ENTPD7: variants seen among roughly 807,000 people sequenced by gnomAD.
The protein encoded by ENTPD7 is NTPDase 7.
Under a neutral mutation model 77.9 loss-of-function variants are expected in ENTPD7, and 53 were observed. That is an observed-to-expected ratio of 0.68 (90% CI 0.55 to 0.85). The LOEUF (loss-of-function observed/expected upper bound fraction) is 0.85, where lower values mean the gene tolerates loss of function less well. Among genes scored for constraint, ENTPD7 ranks in the 40% least tolerant of loss-of-function variants. The probability of loss-of-function intolerance (pLI) is 0.00; values close to 1 mark genes in which losing one functional copy is unlikely to be tolerated. For synonymous variants in ENTPD7, 248 were observed against 274.9 expected (o/e 0.90, Z 0.97); for missense variants, 636 against 743.7 (o/e 0.86, Z 1.68).
At position 99,702,675 on chromosome 10, in the gene ENTPD7, TA is replaced by T; in HGVS notation, c.1583+5del. On this transcript the variant is annotated splice_donor_region_variant and intron_variant, in intron 12 of 12. Transcript: ENST00000370489. ...TAAAACACGATTCTTACCACTCAGG[TA>T]AAGTAAGACTGACCAATCTGGTATC... 6.2e-7 allele frequency: 1 copy of T among 1,609,050 alleles called. No individual in the cohort carries two copies. The highest frequency in any genetic ancestry group is 1.1e-5 in the South Asian group (1 of 90,036).
intron 8 of ENTPD7, among the ~76,000 whole-genome samples, chr10:99,692,311 C>T (rs796307446): frequency 5.3e-5 from 8 of 152,332 alleles, no homozygotes; most frequent in African/African-American, 1.9e-4. Context: ...ATGTCAGTAA[C>T]AACCCTCCCC....
Position 99,710,653 on chromosome 10 carries a change from C to T in ENTPD7, c.*5970C>T. The T allele has an allele frequency of 2.0e-6, 2 of 985,364 alleles. No individual in the cohort carries two copies. Among genetic ancestry groups the T allele is most frequent in the South Asian group, 4.7e-5 (1 of 21,284 alleles). The allele number at this position is 985,364 out of a possible 1,614,324, so 61.0% of individuals were successfully genotyped here. A position where few individuals can be genotyped will look rare whatever the true frequency, so the allele number is the denominator to read the frequency against. ...TGATGCATTCTCCCTTATGCAGGGA[C>T]ATGGGTATATGTGTTACATATGCTG... On this transcript the variant is annotated 3_prime_UTR_variant, in exon 13 of 13. Transcript: ENST00000370489.
At chr10:99,666,787 A>G in intron 3 of ENTPD7, among the ~76,000 whole-genome samples, 1 of 152,252 alleles carries the variant, frequency 6.6e-6, no homozygotes, top group Non-Finnish European at 1.5e-5. Flanking sequence ...ATAATAAAGT[A>G]TTGAATATCT....
At position 99,708,437 on chromosome 10, in the gene ENTPD7, C is replaced by T. The variant is rs2036293813; in HGVS notation, c.*3754C>T. ...AACAGTAGGCTTAACGAATAGCAGA[C>T]CTGGATTCTAGTTCTGGCTTTGTCA... is the stretch of plus-strand genomic sequence containing the variant. On this transcript the variant is annotated 3_prime_UTR_variant, in exon 13 of 13. Coordinates refer to ENST00000370489, the MANE Select transcript of ENTPD7 (RefSeq NM_020354.5). 6.6e-6 allele frequency among the ~76,000 whole-genome samples: 1 copy of T among 152,116 alleles called. No homozygotes were observed. The highest frequency in any genetic ancestry group is 2.1e-4 in the South Asian group (1 of 4,828).
chr10:99,665,789 C>T (rs2035541910), intron 3 of ENTPD7, among the ~76,000 whole-genome samples: 1 of 152,064 alleles, frequency 6.6e-6, no homozygotes, highest in Non-Finnish European at 1.5e-5. Context: ...GATCCTCCTG[C>T]TTTGGCCTCC....
intron 3 of ENTPD7, among the ~76,000 whole-genome samples, chr10:99,678,052 T>C (rs1350152057): frequency 1.3e-5 from 2 of 151,930 alleles, no homozygotes; most frequent in East Asian, 3.9e-4. Context: ...GGGCCAAGAA[T>C]TATTATTATT....
Position 99,710,546 on chromosome 10 carries a change from T to C in ENTPD7, c.*5863T>C. ...TGCTTCACATTAAACAATAATTTTG[T>C]TGAATTTTGAATTCTTAAAATTCTC... is the stretch of plus-strand genomic sequence containing the variant. On this transcript the variant is annotated 3_prime_UTR_variant, in exon 13 of 13. Coordinates refer to ENST00000370489, the MANE Select transcript of ENTPD7 (RefSeq NM_020354.5). The C allele has an allele frequency of 2.0e-6, 2 of 985,448 alleles. No homozygotes were observed. The highest frequency in any genetic ancestry group is 2.4e-6 in the Non-Finnish European group (2 of 829,914). The allele number at this position is 985,448 out of a possible 1,614,324, so 61.0% of individuals were successfully genotyped here.
At chr10:99,662,548 G>A (rs2133435343) in intron 3 of ENTPD7, among the ~76,000 whole-genome samples, 1 of 152,178 alleles carries the variant, frequency 6.6e-6, no homozygotes, top group African/African-American at 2.4e-5. Flanking sequence ...TTTTGTGTTA[G>A]TCAATTGTCT....
In ENTPD7 at chr10:99,679,402, C is replaced by G; in HGVS notation, c.333C>G (p.Asp111Glu). ...FWPRHNGNPHDLLDIKQMRDR... is the reference protein window; with the variant it reads ...FWPRHNGNPHELLDIKQMRDR... The stretch of plus-strand genomic sequence containing the variant: ...CAAGACATAATGGGAACCCCCATGA[C>G]TTGCTGGACATCAAACAGATGAGAG... Residue 111 changes from aspartate to glutamate, a missense_variant, in exon 4 of 13, where the codon GAC becomes GAG. Transcript: ENST00000370489. 1.2e-6 allele frequency: 2 copies of G among 1,614,138 alleles called. No homozygotes were observed. Among genetic ancestry groups the G allele is most frequent in the Non-Finnish European group, 1.7e-6 (2 of 1,180,030 alleles).
intron 6 of ENTPD7, among the ~76,000 whole-genome samples, chr10:99,686,874 A>C (rs1194941712): frequency 6.7e-6 from 1 of 148,768 alleles, no homozygotes; most frequent in Non-Finnish European, 1.5e-5. Context: ...TTTAGGAGGC[A>C]GTTGATCTCA....
intron 7 of ENTPD7, among the ~76,000 whole-genome samples, chr10:99,691,032 G>A (rs139033055): frequency 6.6e-6 from 1 of 152,076 alleles, no homozygotes; most frequent in African/African-American, 2.4e-5. Flanking sequence ...TGTCACTGAG[G>A]CTAGAGTTTA....
intron 3 of ENTPD7, among the ~76,000 whole-genome samples, chr10:99,662,597 T>G (rs1314173813): frequency 6.6e-6 from 1 of 152,270 alleles, no homozygotes; most frequent in Non-Finnish European, 1.5e-5. Flanking sequence ...AAGGCTTATG[T>G]ATTTAACCAT....
At chr10:99,663,961 T>C (rs2035518092) in intron 3 of ENTPD7, among the ~76,000 whole-genome samples, 1 of 152,190 alleles carries the variant, frequency 6.6e-6, no homozygotes, top group Non-Finnish European at 1.5e-5. Flanking sequence ...TCATTTTTTT[T>C]CCAGTCTTTT....
intron 5 of ENTPD7, among the ~76,000 whole-genome samples, chr10:99,682,000 T>G (rs376711297): frequency 9.9e-4 from 151 of 152,316 alleles, no homozygotes; most frequent in African/African-American, 3.1e-3. Flanking sequence ...ACTCTGTTAA[T>G]TTTTTCCTTT....
At chr10:99,664,660 A>C (rs2035526936) in intron 3 of ENTPD7, among the ~76,000 whole-genome samples, 1 of 150,592 alleles carries the variant, frequency 6.6e-6, no homozygotes, top group Admixed American at 6.6e-5. Flanking sequence ...TGTGTTAGCC[A>C]GGATGGTCTC....
At position 99,659,633 on chromosome 10, in the gene ENTPD7, A is replaced by C; in HGVS notation, c.-96+45A>C. The C allele has an allele frequency of 4.1e-6, 1 of 243,568 alleles. No individual in the cohort carries two copies. The highest frequency in any genetic ancestry group is 8.6e-5 in the South Asian group (1 of 11,690). The allele number at this position is 243,568 out of a possible 1,614,324, so 15.1% of individuals were successfully genotyped here. A position where few individuals can be genotyped will look rare whatever the true frequency, so the allele number is the denominator to read the frequency against. Reference sequence around the variant, plus strand: ...GGCTGTGGGACCCGGAGGGACGGGGAGAGGAAGCGGGACCCACACCCCGCC... The same window carrying C: ...GGCTGTGGGACCCGGAGGGACGGGGCGAGGAAGCGGGACCCACACCCCGCC... On this transcript the variant is annotated intron_variant, in intron 1 of 12. Coordinates refer to ENST00000370489, the MANE Select transcript of ENTPD7 (RefSeq NM_020354.5). The surrounding 1 kb of genome is among the most constrained non-coding windows in gnomAD (Gnocchi z 4.1).
intron 3 of ENTPD7, among the ~76,000 whole-genome samples, chr10:99,676,941 C>G (rs1590042186): frequency 6.6e-6 from 1 of 152,108 alleles, no homozygotes; most frequent in South Asian, 2.1e-4. Flanking sequence ...TAAAAAAATG[C>G]ATTTTGCATT....
chr10:99,682,931 T>C (rs1365780320), intron 5 of ENTPD7, among the ~76,000 whole-genome samples: 6 of 152,178 alleles, frequency 3.9e-5, no homozygotes, highest in Non-Finnish European at 8.8e-5. Flanking sequence ...TTAGTGTGTT[T>C]GGAGGAAAGG....
chr10:99,673,355 T>C (rs946652011), intron 3 of ENTPD7, among the ~76,000 whole-genome samples: 1 of 152,126 alleles, frequency 6.6e-6, no homozygotes, highest in African/African-American at 2.4e-5. Context: ...AAAAAATGCA[T>C]GAAAGGTCTG....
Sources: allele counts gnomAD v4.1 joint callset (sites outside exome capture counted in the v4.1 genomes callset), GRCh38; gene constraint gnomAD v4.1.1; non-coding constraint Gnocchi (gnomAD v3.1); transcripts MANE v1.5; gene names NCBI Gene and HGNC (gene_info 2026-07-23, HGNC 2026-07-21).